The following SLC24A3 variants were observed in gnomAD, a reference collection of about 807,000 sequenced individuals.
SLC24A3 encodes the protein sodium/potassium/calcium exchanger 3.
Under a neutral mutation model 75.8 loss-of-function variants are expected in SLC24A3, and 28 were observed. That is an observed-to-expected ratio of 0.37 (90% CI 0.27 to 0.51). The LOEUF (loss-of-function observed/expected upper bound fraction) is 0.51, where lower values mean the gene tolerates loss of function less well. SLC24A3 is among the 20% of genes least tolerant of loss of function. SLC24A3 has a pLI of 0.94. For synonymous variants in SLC24A3, 372 were observed against 334.1 expected, an observed-to-expected ratio of 1.11 and a Z score of -1.24; for missense variants, 663 against 847.8, an observed-to-expected ratio of 0.78 and a Z score of 2.71.
chr20:19,621,491 T>C (rs777829172), intron 6 of SLC24A3, among the ~76,000 whole-genome samples: 39 of 152,230 alleles, frequency 2.6e-4, no homozygotes, highest in Non-Finnish European at 4.6e-4. Flanking sequence ...TAGAGTGTGT[T>C]GGTTCTCATC....
intron 2 of SLC24A3, among the ~76,000 whole-genome samples, chr20:19,430,526 T>G (rs1349805674): frequency 1.3e-5 from 2 of 152,110 alleles, no homozygotes; most frequent in Non-Finnish European, 2.9e-5. Flanking sequence ...ATGTGGAATT[T>G]AAAAACAGAA....
chr20:19,503,692 A>G (rs1988419913), intron 2 of SLC24A3, among the ~76,000 whole-genome samples: 2 of 152,238 alleles, frequency 1.3e-5, no homozygotes, highest in African/African-American at 4.8e-5. Flanking sequence ...ATTTTTTCCA[A>G]CTGAGCTAAT....
chr20:19,264,186 T>C (rs1568572590), intron 1 of SLC24A3: 1 of 151,760 alleles, frequency 6.6e-6, no homozygotes, highest in Non-Finnish European at 1.5e-5. Context: ...ATTATCCACT[T>C]CTATGGCTCT....
intron 2 of SLC24A3, among the ~76,000 whole-genome samples, chr20:19,417,210 GA>G (rs1986841646): frequency 6.6e-6 from 1 of 152,162 alleles, no homozygotes; most frequent in Non-Finnish European, 1.5e-5. Context: ...ATTTTATCCT[GA>G]AGACAGTAAG....
intron 2 of SLC24A3, among the ~76,000 whole-genome samples, chr20:19,356,826 A>G (rs1985695433): frequency 6.6e-6 from 1 of 150,764 alleles, no homozygotes; most frequent in Admixed American, 6.6e-5. Context: ...CATGGTCATC[A>G]GTACTTCATA....
chr20:19,343,080 AAAAAG>A (rs1985309183), intron 2 of SLC24A3, among the ~76,000 whole-genome samples: 1 of 148,192 alleles, frequency 6.7e-6, no homozygotes, highest in East Asian at 1.9e-4. Flanking sequence ...AAAAAAAAAA[AAAAAG>A]AAAAAAGAAA....
At chr20:19,675,593 C>T (rs1044028666) in intron 9 of SLC24A3, among the ~76,000 whole-genome samples, 20 of 152,190 alleles carry the variant, frequency 1.3e-4, no homozygotes, top group Non-Finnish European at 2.6e-4. Flanking sequence ...TTACTGTAGA[C>T]CCCACATCTG....
intron 1 of SLC24A3, among the ~76,000 whole-genome samples, chr20:19,241,415 G>T (rs965172879): frequency 6.6e-6 from 1 of 152,168 alleles, no homozygotes; most frequent in Non-Finnish European, 1.5e-5. Flanking sequence ...CTCCTCTCAG[G>T]CCGGGGATGC....
intron 3 of SLC24A3, among the ~76,000 whole-genome samples, chr20:19,538,132 G>A (rs1477940069): frequency 6.6e-6 from 1 of 152,160 alleles, no homozygotes; most frequent in African/African-American, 2.4e-5. Flanking sequence ...GTTTCCATTG[G>A]TAAGAAGGTG....
chr20:19,282,476 A>G (rs1286794167), intron 2 of SLC24A3, among the ~76,000 whole-genome samples: 1 of 152,238 alleles, frequency 6.6e-6, no homozygotes, highest in Non-Finnish European at 1.5e-5. Context: ...TGAAGGGTCC[A>G]AGTGCCCCAC....
chr20:19,372,538 G>C (rs1600452834), intron 2 of SLC24A3, among the ~76,000 whole-genome samples: 1 of 152,198 alleles, frequency 6.6e-6, no homozygotes, highest in East Asian at 1.9e-4. Flanking sequence ...TCTGGGAGCA[G>C]GCTCAGTGTG....
chr20:19,600,365 A>G (rs1397636593), intron 6 of SLC24A3, among the ~76,000 whole-genome samples: 1 of 152,236 alleles, frequency 6.6e-6, no homozygotes, highest in Non-Finnish European at 1.5e-5. Flanking sequence ...TTTAAATGCC[A>G]TCAAAAAAGT....
chr20:19,332,573 A>G (rs1985025009), intron 2 of SLC24A3, among the ~76,000 whole-genome samples: 3 of 152,190 alleles, frequency 2.0e-5, no homozygotes, highest in African/African-American at 7.2e-5. Flanking sequence ...TCTCTCTTCA[A>G]CTGACTTCTT....
chr20:19,264,568 A>T (rs542357188), intron 1 of SLC24A3, among the ~76,000 whole-genome samples: 199 of 146,368 alleles, frequency 1.4e-3, no homozygotes, highest in Non-Finnish European at 2.3e-3. Flanking sequence ...CTACTAAAAT[A>T]AAAAAAAAAA....
rs776300056 is a variant in SLC24A3, at chr20:19,696,922, C to A, written c.1606+11C>A. 4.3e-5 allele frequency: 57 copies of A among 1,315,636 alleles called. 1 individual carries two copies. In the South Asian group the frequency reaches 6.4e-4, roughly 15 times the overall value. 81.5% of individuals were successfully genotyped at this position (1,315,636 alleles called of 1,614,324 possible). A position where few individuals can be genotyped will look rare whatever the true frequency, so the allele number is the denominator to read the frequency against. Reference sequence around the variant, plus strand: ...TTGTGGCCAGACAAGGTGGGACTTCCAGTGGCAATGGGGAAGGAGGGAGGG... The same window carrying A: ...TTGTGGCCAGACAAGGTGGGACTTCAAGTGGCAATGGGGAAGGAGGGAGGG... On this transcript the variant is annotated intron_variant, in intron 14 of 16. Coordinates refer to ENST00000328041, the MANE Select transcript of SLC24A3 (RefSeq NM_020689.4).
chr20:19,665,745 A>G (rs897628113), intron 7 of SLC24A3, 119 bp from the exon 8 acceptor site: 3 of 1,335,954 alleles, frequency 2.2e-6, no homozygotes, highest in South Asian at 1.5e-5. Flanking sequence ...CCCAGTCCTG[A>G]TTACACCATC....
At chr20:19,354,582 TTGTGTATG>T (rs1985639463) in intron 2 of SLC24A3, among the ~76,000 whole-genome samples, 1 of 142,872 alleles carries the variant, frequency 7.0e-6, no homozygotes, top group South Asian at 2.2e-4. Flanking sequence ...CATAAAAAAT[TTGTGTATG>T]TGTGTGTGTG....
chr20:19,520,678 C>T (rs1403898214), intron 3 of SLC24A3, among the ~76,000 whole-genome samples: 3 of 152,150 alleles, frequency 2.0e-5, no homozygotes, highest in African/African-American at 7.2e-5. Context: ...TTGGTGTCTG[C>T]ATGGTGAGGG....
chr20:19,525,290 C>T (rs944597220), intron 3 of SLC24A3, among the ~76,000 whole-genome samples: 2 of 152,132 alleles, frequency 1.3e-5, no homozygotes. Flanking sequence ...AGGACCCACA[C>T]CAGAAGAGCT....
Sources: allele counts gnomAD v4.1 joint callset (sites outside exome capture counted in the v4.1 genomes callset), GRCh38; gene constraint gnomAD v4.1.1; transcripts MANE v1.5; gene names NCBI Gene and HGNC (gene_info 2026-07-23, HGNC 2026-07-21).